Variants in PXT1 observed in about 807,000 individuals in gnomAD.
The protein encoded by PXT1 is peroxisomal testis enriched protein 1, also known as peroxisomal testis-specific protein 1.
Under a neutral mutation model 11.0 loss-of-function variants are expected in PXT1, and 11 were observed. That is an observed-to-expected ratio of 1.00 (90% confidence interval 0.63 to 1.66). The LOEUF (loss-of-function observed/expected upper bound fraction) is 1.66, where lower values mean the gene tolerates loss of function less well. Among genes scored for constraint, PXT1 ranks in the 40% most tolerant of loss-of-function variants. PXT1 has a pLI of 0.00. For synonymous variants in PXT1, 43 were observed against 51.4 expected, an observed-to-expected ratio of 0.84 and a Z score of 0.70; for missense variants, 141 against 155.5, an observed-to-expected ratio of 0.91 and a Z score of 0.49.
chr6:36,412,074 A>G (rs6910052), intron 3 of PXT1, among the ~76,000 whole-genome samples: 113,332 of 152,106 alleles, frequency 0.75, 42,437 homozygotes, highest in East Asian at 0.8. Context: ...GAATGGAGCC[A>G]GGCGCGGTGG....
intron 3 of PXT1, among the ~76,000 whole-genome samples, chr6:36,403,924 AC>A (rs1482213977): frequency 6.6e-6 from 1 of 152,220 alleles, no homozygotes; most frequent in East Asian, 1.9e-4. Context: ...CATTTGGATA[AC>A]ATTTGAAGCA....
Position 36,425,917 on chromosome 6 carries a change from G to A in PXT1, c.166C>T (p.Pro56Ser), listed in dbSNP as rs1774598995. 2.0e-6 allele frequency: 3 copies of A among 1,531,808 alleles called. No homozygotes were observed. The South Asian group carries it at 3.6e-5, about 18-fold the overall frequency. The allele number at this position is 1,531,808 out of a possible 1,614,324, so 94.9% of individuals were successfully genotyped here. The change falls in exon 3 of 5, where the codon CCA (proline) becomes TCA (serine). Residue 56 changes from proline to serine, a missense_variant. Coordinates refer to ENST00000454782, the MANE Select transcript of PXT1 (RefSeq NM_152990.4). ...TAGTTTAATCCAAATATCTTACCTGGGTTCCTTGACATGGCTGGAACTGGC... is the reference window on the plus strand; with the variant it reads ...TAGTTTAATCCAAATATCTTACCTGAGTTCCTTGACATGGCTGGAACTGGC... ...SQPVPAMSRN[P>S]DHNLLSQPKE...
At chr6:36,430,166 C>T (rs1235783305) in intron 2 of PXT1, among the ~76,000 whole-genome samples, 2 of 151,392 alleles carry the variant, frequency 1.3e-5, no homozygotes, top group East Asian at 2.0e-4. Flanking sequence ...GAGATCGCAC[C>T]AGTGTACTAC....
chr6:36,433,601 C>T (rs975107354), intron 2 of PXT1, among the ~76,000 whole-genome samples: 94 of 151,578 alleles, frequency 6.2e-4, no homozygotes, highest in Admixed American at 9.2e-4. Context: ...GGGTGGATCA[C>T]GAGGTCAGCA....
Position 36,409,956 on chromosome 6 carries a change from G to A in PXT1, c.170-9372C>T, listed in dbSNP as rs374608168. ...ACGAAGGAAAGAAAGAAAGAGAAAG[G>A]AAGAAAGAGAAAAAAGAAAGAAAGA... On this transcript the variant is annotated intron_variant, in intron 3 of 4. Transcript: ENST00000454782. Among the ~76,000 whole-genome samples the A allele has an allele frequency of 6.2e-3, 183 of 29,498 alleles. 2 individuals are homozygous for A. The African/African-American group carries it at 0.069, about 11-fold the overall frequency. 19.4% of individuals were successfully genotyped at this position (29,498 alleles called of 152,430 possible). A position where few individuals can be genotyped will look rare whatever the true frequency, so the allele number is the denominator to read the frequency against.
intron 2 of PXT1, among the ~76,000 whole-genome samples, chr6:36,437,438 C>CA (rs1317236710): frequency 6.6e-6 from 1 of 151,598 alleles, no homozygotes; most frequent in Non-Finnish European, 1.5e-5. Context: ...TTCATGTAGG[C>CA]AAAAAATCCA....
At chr6:36,439,644 G>GAAAAAAAA (rs11478447) in intron 1 of PXT1, among the ~76,000 whole-genome samples, 1 of 102,850 alleles carries the variant, frequency 9.7e-6, no homozygotes, top group African/African-American at 3.6e-5. Flanking sequence ...ATATAAGGCT[G>GAAAAAAAA]AAAAAAAAAA....
At chr6:36,413,460 C>G (rs748518711) in intron 3 of PXT1, among the ~76,000 whole-genome samples, 2 of 151,888 alleles carry the variant, frequency 1.3e-5, no homozygotes, top group African/African-American at 2.4e-5. Context: ...GTTCTCAGGA[C>G]AGCAAATGGC....
chr6:36,419,023 T>C (rs1774489178), intron 3 of PXT1, among the ~76,000 whole-genome samples: 1 of 152,342 alleles, frequency 6.6e-6, no homozygotes, highest in South Asian at 2.1e-4. Flanking sequence ...TTGCCTGTAA[T>C]TTCAGTTTTC....
At chr6:36,403,697 A>G (rs1316800993) in intron 3 of PXT1, among the ~76,000 whole-genome samples, 1 of 152,130 alleles carries the variant, frequency 6.6e-6, no homozygotes, top group African/African-American at 2.4e-5. Context: ...GCAGAACCCC[A>G]TCTCTACCAA....
At chr6:36,441,021 C>A (rs926724963) in intron 1 of PXT1, among the ~76,000 whole-genome samples, 2 of 150,934 alleles carry the variant, frequency 1.3e-5, no homozygotes, top group African/African-American at 2.4e-5. Context: ...AATCCCCAAA[C>A]TTAGGGAGGC....
At chr6:36,423,797 A>C (rs1320553207) in intron 3 of PXT1, among the ~76,000 whole-genome samples, 4 of 152,184 alleles carry the variant, frequency 2.6e-5, no homozygotes, top group Non-Finnish European at 4.4e-5. Context: ...ACTTTATTGG[A>C]AGATCCCTGG....
At chr6:36,439,443 C>G (rs1210550461) in intron 1 of PXT1, among the ~76,000 whole-genome samples, 1 of 151,172 alleles carries the variant, frequency 6.6e-6, no homozygotes, top group East Asian at 2.0e-4. Flanking sequence ...GAAACCCCAT[C>G]TCTACTAAAA....
intron 2 of PXT1, among the ~76,000 whole-genome samples, chr6:36,426,336 C>A (rs1393943793): frequency 8.3e-6 from 1 of 120,122 alleles, no homozygotes. Flanking sequence ...TCCCATTAGT[C>A]TTTCTTCTCT....
intron 1 of PXT1, among the ~76,000 whole-genome samples, chr6:36,440,098 A>G: frequency 6.7e-6 from 1 of 150,300 alleles, no homozygotes; most frequent in Non-Finnish European, 1.5e-5. Flanking sequence ...ACTCTGTCTC[A>G]GAAAACAAAA....
chr6:36,417,064 G>A (rs1008175869), intron 3 of PXT1, among the ~76,000 whole-genome samples: 1 of 152,150 alleles, frequency 6.6e-6, no homozygotes, highest in Admixed American at 6.5e-5. Flanking sequence ...ATAACTTAAC[G>A]GCCGGGCACA....
At chr6:36,402,393 G>A (rs974230205) in intron 3 of PXT1, among the ~76,000 whole-genome samples, 33 of 152,228 alleles carry the variant, frequency 2.2e-4, no homozygotes, top group Admixed American at 3.3e-4. Flanking sequence ...AGCAAGAGTT[G>A]TGTTGAACCT....
At chr6:36,442,120 C>G (rs1774880924) in intron 1 of PXT1, among the ~76,000 whole-genome samples, 1 of 152,014 alleles carries the variant, frequency 6.6e-6, no homozygotes, top group Non-Finnish European at 1.5e-5. Context: ...CAGTTGCCTC[C>G]TGGGTTCAAG....
At chr6:36,415,791 T>A (rs1774437763) in intron 3 of PXT1, among the ~76,000 whole-genome samples, 1 of 152,020 alleles carries the variant, frequency 6.6e-6, no homozygotes, top group Non-Finnish European at 1.5e-5. Flanking sequence ...TGAGGTGAAG[T>A]CCCAGAAGTT....
Sources: allele counts gnomAD v4.1 joint callset (sites outside exome capture counted in the v4.1 genomes callset), GRCh38; gene constraint gnomAD v4.1.1; transcripts MANE v1.5; gene names NCBI Gene and HGNC (gene_info 2026-07-23, HGNC 2026-07-21).